ASTN1: variants seen among roughly 807,000 people sequenced by gnomAD.
ASTN1 encodes the protein astrotactin 1.
A neutral mutation model predicts 140.7 loss-of-function variants in ASTN1; 41 were observed. The observed-to-expected ratio is 0.29, with a 90% CI of 0.23 to 0.38. The LOEUF (loss-of-function observed/expected upper bound fraction) is 0.38. Among genes scored for constraint, ASTN1 ranks in the 10% least tolerant of loss-of-function variants. ASTN1 has a pLI of 1.00. For synonymous variants in ASTN1, 640 were observed against 652.2 expected, an observed-to-expected ratio of 0.98 and a Z score of 0.29; for missense variants, 1,479 against 1,678.8, an observed-to-expected ratio of 0.88 and a Z score of 2.08.
intron 2 of ASTN1, among the ~76,000 whole-genome samples, chr1:177,050,721 C>T (rs1323374010): frequency 6.6e-6 from 1 of 152,146 alleles, no homozygotes; most frequent in Admixed American, 6.5e-5. Flanking sequence ...GCTTTGTTCA[C>T]CCTAAACTTT....
intron 1 of ASTN1, among the ~76,000 whole-genome samples, chr1:177,157,738 C>T (rs988387748): frequency 1.1e-4 from 16 of 152,196 alleles, no homozygotes; most frequent in Middle Eastern, 3.4e-3. Flanking sequence ...CTTCCCTTTC[C>T]ACAAGAGGTA....
chr1:177,114,840 T>G (rs995307620), intron 1 of ASTN1, among the ~76,000 whole-genome samples: 1 of 152,230 alleles, frequency 6.6e-6, no homozygotes, highest in Non-Finnish European at 1.5e-5. Flanking sequence ...CTTTTGCCTT[T>G]CCTCTGGTTC....
At chr1:177,095,622 G>A (rs1679992435) in intron 1 of ASTN1, among the ~76,000 whole-genome samples, 1 of 152,182 alleles carries the variant, frequency 6.6e-6, no homozygotes, top group Admixed American at 6.5e-5. Context: ...TGAAGTGCAT[G>A]AGCTGTGGAG....
chr1:177,086,564 G>A (rs1450570314), intron 1 of ASTN1, among the ~76,000 whole-genome samples: 2 of 152,140 alleles, frequency 1.3e-5, no homozygotes, highest in Admixed American at 6.5e-5. Context: ...GGAATACTAC[G>A]TAATACTAAA....
chr1:176,906,634 G>A lies in ASTN1; in HGVS notation c.2672-11804C>T, dbSNP rs151105322. Among the ~76,000 whole-genome samples, 929 of 152,014 alleles carry A rather than the reference G, an allele frequency of 6.1e-3. 10 individuals carry two copies. The highest frequency in any genetic ancestry group is 0.021 in the African/African-American group (869 of 41,462). On this transcript the variant is annotated intron_variant, in intron 16 of 22. Coordinates refer to ENST00000361833, the MANE Select transcript of ASTN1 (RefSeq NM_004319.3). ...TTTAGGAGGCTGAGGTGGGCAGATC[G>A]TTTGAGGTCAGGAGTTCAAGACCAG... is the stretch of plus-strand genomic sequence containing the variant.
intron 7 of ASTN1, among the ~76,000 whole-genome samples, chr1:177,022,541 C>T (rs1675884204): frequency 6.6e-6 from 1 of 152,156 alleles, no homozygotes; most frequent in African/African-American, 2.4e-5. Context: ...AATGGGAGAG[C>T]TCTAATTCAT....
chr1:177,082,284 T>C (rs950984605), intron 1 of ASTN1, among the ~76,000 whole-genome samples: 3 of 152,076 alleles, frequency 2.0e-5, no homozygotes, highest in African/African-American at 7.2e-5. Context: ...GACAACACTA[T>C]CTGTTAAGGG....
rs1360672677 is a variant in ASTN1 at position 176,862,075 on chromosome 1, A to G, written c.*2209T>C. On this transcript the variant is annotated 3_prime_UTR_variant, in exon 23 of 23. Transcript: ENST00000361833. ...GGATGGCAAAACAGTAGCAGCAAAGAGATGCTCTGGGCCCTGTCTGATTGG... is the reference window on the plus strand; with the variant it reads ...GGATGGCAAAACAGTAGCAGCAAAGGGATGCTCTGGGCCCTGTCTGATTGG... The G allele has an allele frequency of 2.0e-6, 2 of 985,288 alleles. No homozygotes were observed. Among genetic ancestry groups the G allele is most frequent in the African/African-American group, 1.7e-5 (1 of 57,230 alleles). The allele number at this position is 985,288 out of a possible 1,614,324, so 61.0% of individuals were successfully genotyped here.
At chr1:177,059,892 C>T (rs181563415) in intron 2 of ASTN1, among the ~76,000 whole-genome samples, 5 of 152,222 alleles carry the variant, frequency 3.3e-5, no homozygotes, top group Admixed American at 3.3e-4. Context: ...TCTACACCCT[C>T]CCATATACAT....
chr1:177,022,280 C>T (rs1367269053), intron 7 of ASTN1, among the ~76,000 whole-genome samples: 1 of 152,126 alleles, frequency 6.6e-6, no homozygotes. Flanking sequence ...GCTGCACATG[C>T]TGTACAAAAA....
intron 1 of ASTN1, among the ~76,000 whole-genome samples, chr1:177,097,983 T>C (rs1036864054): frequency 1.3e-5 from 2 of 152,138 alleles, no homozygotes; most frequent in Non-Finnish European, 2.9e-5. Context: ...TCCATATCTA[T>C]CTCTTGACTA....
intron 2 of ASTN1, among the ~76,000 whole-genome samples, chr1:177,052,544 A>G (rs746545182): frequency 1.3e-5 from 2 of 152,230 alleles, no homozygotes; most frequent in Non-Finnish European, 2.9e-5. Flanking sequence ...TCTCTCTGAG[A>G]GCAAAGCCCT....
At chr1:177,078,948 T>C (rs899763005) in intron 1 of ASTN1, among the ~76,000 whole-genome samples, 1 of 149,126 alleles carries the variant, frequency 6.7e-6, no homozygotes, top group Non-Finnish European at 1.5e-5. Context: ...AAAAATCAAT[T>C]TGAGTAGAAA....
At chr1:176,965,046 C>A in intron 9 of ASTN1, 117 bp downstream of exon 9, 1 of 931,536 alleles carries the variant, frequency 1.1e-6, no homozygotes, top group South Asian at 1.5e-5. Flanking sequence ...AGCAGGTGGT[C>A]GTGACAACTC....
rs1668040205 is a variant in ASTN1 at position 176,863,758 on chromosome 1, C to T, written c.*526G>A. ...AACCAGGAGACACAGACAAGGGCCA[C>T]CTTCCTCAATTTTCTATTGTCTCTC... On this transcript the variant is annotated 3_prime_UTR_variant, in exon 23 of 23. Transcript: ENST00000361833. 2 of 987,082 alleles carry T rather than the reference C, an allele frequency of 2.0e-6. No homozygotes were observed. Among genetic ancestry groups the T allele is most frequent in the Non-Finnish European group, 2.4e-6 (2 of 831,048 alleles). 61.1% of individuals were successfully genotyped at this position (987,082 alleles called of 1,614,324 possible).
intron 1 of ASTN1, among the ~76,000 whole-genome samples, chr1:177,067,471 C>T (rs977312786): frequency 6.6e-6 from 1 of 151,984 alleles, no homozygotes; most frequent in African/African-American, 2.4e-5. Flanking sequence ...ATAGAAATAC[C>T]CCCCTCTTCT....
intron 1 of ASTN1, among the ~76,000 whole-genome samples, chr1:177,106,064 C>T (rs555381112): frequency 2.6e-5 from 4 of 152,242 alleles, no homozygotes; most frequent in East Asian, 3.9e-4. Context: ...CTTAAGGCCA[C>T]GTTTCCAGGA....
intron 15 of ASTN1, among the ~76,000 whole-genome samples, chr1:176,935,529 G>T (rs1057155037): frequency 6.6e-6 from 1 of 152,148 alleles, no homozygotes; most frequent in African/African-American, 2.4e-5. Context: ...ATGAAAATGT[G>T]CTATATCCTC....
At chr1:177,115,263 GC>G (rs1309282900) in intron 1 of ASTN1, among the ~76,000 whole-genome samples, 1 of 152,102 alleles carries the variant, frequency 6.6e-6, no homozygotes, top group East Asian at 1.9e-4. Flanking sequence ...TATAAAATTA[GC>G]CCCCTCCAAA....
Sources: allele counts gnomAD v4.1 joint callset (sites outside exome capture counted in the v4.1 genomes callset), GRCh38; gene constraint gnomAD v4.1.1; transcripts MANE v1.5; gene names NCBI Gene and HGNC (gene_info 2026-07-23, HGNC 2026-07-21).